ZNF365: variants seen among roughly 807,000 people sequenced by gnomAD.
The protein encoded by ZNF365 is protein ZNF365.
ZNF365 carries 22 observed loss-of-function variants against 35.0 expected under a neutral mutation model. That is an observed-to-expected ratio of 0.63 (90% CI 0.45 to 0.90). The LOEUF is 0.90. ZNF365 is among the 40% of genes least tolerant of loss of function. The probability of loss-of-function intolerance (pLI) is 0.00; values close to 1 mark genes in which losing one functional copy is unlikely to be tolerated. For synonymous variants in ZNF365, 188 were observed against 196.2 expected (o/e 0.96, Z 0.35); for missense variants, 448 against 500.3 (o/e 0.90, Z 1.00).
Position 62,388,445 on chromosome 10 carries a change from G to T in ZNF365, c.793G>T (p.Val265Phe). The T allele has an allele frequency of 6.2e-7, 1 of 1,614,266 alleles. No homozygotes were observed. ...HFLEAAAEKE[V>F]QGKARLQDFI... ...CCTGGAAGCGGCAGCTGAGAAGGAG[G>T]TTCAAGGGAAAGCCCGGCTCCAGGA... The change falls in exon 3 of 5, where the codon GTT becomes TTT. Residue 265 changes from valine to phenylalanine, a missense_variant. Around this residue, in one of 3 missense-constraint regions of ZNF365, gnomAD observed 362 missense variants for 375.7 expected, o/e 0.96. Coordinates refer to ENST00000395254, the MANE Select transcript of ZNF365 (RefSeq NM_014951.3).
intron 3 of ZNF365, among the ~76,000 whole-genome samples, chr10:62,458,497 C>T (rs965711956): frequency 1.1e-4 from 15 of 141,330 alleles, no homozygotes; most frequent in East Asian, 4.2e-4. Flanking sequence ...CACACACACA[C>T]ATATATATAT....
At chr10:62,382,548 C>T (rs1839457733) in intron 2 of ZNF365, among the ~76,000 whole-genome samples, 1 of 152,200 alleles carries the variant, frequency 6.6e-6, no homozygotes, top group South Asian at 2.1e-4. Context: ...CTATCACATC[C>T]CCACTCTAGG....
At chr10:62,458,493 CACACAT>C (rs1033876377) in intron 3 of ZNF365, among the ~76,000 whole-genome samples, 7 of 151,598 alleles carry the variant, frequency 4.6e-5, no homozygotes, top group African/African-American at 1.7e-4. Flanking sequence ...CACACACACA[CACACAT>C]ATATATATAA....
At chr10:62,422,830 A>G (rs993307694) in intron 3 of ZNF365, among the ~76,000 whole-genome samples, 13 of 152,160 alleles carry the variant, frequency 8.5e-5, no homozygotes, top group African/African-American at 1.9e-4. Flanking sequence ...AAAACTGCAT[A>G]TGAGATGGAA....
intron 3 of ZNF365, among the ~76,000 whole-genome samples, chr10:62,454,593 G>A (rs1047742493): frequency 6.6e-6 from 1 of 151,582 alleles, no homozygotes; most frequent in Non-Finnish European, 1.5e-5. Context: ...ATACCAAGGT[G>A]TTGATGTTAC....
intron 3 of ZNF365, 35 bp downstream of exon 3, chr10:62,388,611 T>G (rs1386970680): frequency 6.2e-7 from 1 of 1,608,124 alleles, no homozygotes; most frequent in Non-Finnish European, 8.5e-7. Context: ...GAGTGTAAGA[T>G]CCCTGTGGTT....
chr10:62,399,010 A>G (rs1337534674), intron 4 of ZNF365, among the ~76,000 whole-genome samples: 2 of 152,216 alleles, frequency 1.3e-5, no homozygotes, highest in African/African-American at 4.8e-5. Flanking sequence ...CACTGGAGGA[A>G]TATTTTTAGA....
chr10:62,428,095 G>A (rs952064799), intron 3 of ZNF365, among the ~76,000 whole-genome samples: 2 of 152,048 alleles, frequency 1.3e-5, no homozygotes, highest in East Asian at 3.8e-4. Flanking sequence ...TTGATCCTAC[G>A]TGATTAATTC....
At chr10:62,403,913 G>T (rs1839868478), downstream of ZNF365, among the ~76,000 whole-genome samples, 1 of 152,190 alleles carries the variant, frequency 6.6e-6, no homozygotes, top group Admixed American at 6.5e-5. Flanking sequence ...ATCCCAAAAA[G>T]AAGCCCCGGA....
chr10:62,425,513 C>G (rs1430429028), intron 3 of ZNF365, among the ~76,000 whole-genome samples: 1 of 152,142 alleles, frequency 6.6e-6, no homozygotes, highest in East Asian at 1.9e-4. Flanking sequence ...AGAGTAACAA[C>G]TACAGATTCT....
At chr10:62,434,705 T>G (rs1840381738) in intron 3 of ZNF365, among the ~76,000 whole-genome samples, 2 of 152,192 alleles carry the variant, frequency 1.3e-5, no homozygotes. Flanking sequence ...GGAAGTATAC[T>G]GGAAATCAGA....
In ZNF365 at chr10:62,376,322, G is replaced by A; in HGVS notation, c.129G>A (p.Leu43=). Residue 43 remains leucine (L), a synonymous_variant, in exon 2 of 5, where the codon TTG becomes TTA. Transcript: ENST00000395254. ...CCAGATTTAGAAGCTTGTCATCCTT[G>A]AGGGCCCATCTGGAGTTCAGTCACA... The part of the protein sequence containing the change: ...DHTRFRSLSS[L]RAHLEFSHSY... The A allele has an allele frequency of 6.2e-7, 1 of 1,614,122 alleles. No homozygotes were observed. The highest frequency in any genetic ancestry group is 1.3e-5 in the African/African-American group (1 of 75,002).
intron 4 of ZNF365, among the ~76,000 whole-genome samples, chr10:62,477,736 TGAA>T (rs1352381381): frequency 6.6e-6 from 1 of 152,142 alleles, no homozygotes; most frequent in African/African-American, 2.4e-5. Context: ...GGCTTTCACT[TGAA>T]TGTTGTCAGT....
In ZNF365 at chr10:62,376,636, T is replaced by C. The variant is rs201364250; in HGVS notation, c.443T>C (p.Leu148Pro). 27 of 1,614,064 alleles carry C rather than the reference T, an allele frequency of 1.7e-5. No homozygotes were observed. The highest frequency in any genetic ancestry group is 2.3e-5 in the Non-Finnish European group (27 of 1,180,042). The change falls in exon 2 of 5, where the codon CTG becomes CCG. Residue 148 changes from leucine to proline, a missense_variant. Around this residue, in one of 3 missense-constraint regions of ZNF365, gnomAD observed 362 missense variants for 375.7 expected, o/e 0.96. Coordinates refer to ENST00000395254, the MANE Select transcript of ZNF365 (RefSeq NM_014951.3). ...SLDGTRSGPG[L>P]PTSDTKASFE... ...GATGGGACACGGTCGGGTCCTGGAC[T>C]GCCCACCTCAGACACCAAAGCTTCT...
At chr10:62,388,709 T>C (rs1839568443) in intron 3 of ZNF365, 133 bp downstream of exon 3, 1 of 1,086,708 alleles carries the variant, frequency 9.2e-7, no homozygotes, top group Middle Eastern at 3.1e-4. Context: ...GCCTGGGCCA[T>C]GCCTGTATTG....
intron 3 of ZNF365, among the ~76,000 whole-genome samples, chr10:62,431,420 T>C (rs1339777542): frequency 2.6e-5 from 4 of 152,204 alleles, no homozygotes; most frequent in Non-Finnish European, 5.9e-5. Flanking sequence ...TATCATATCC[T>C]GAACATTTGC....
chr10:62,430,615 C>CT, intron 3 of ZNF365, among the ~76,000 whole-genome samples: 1 of 152,296 alleles, frequency 6.6e-6, no homozygotes, highest in South Asian at 2.1e-4. Context: ...TGCCATAAAA[C>CT]TCCAACCCTG....
chr10:62,397,544 G>A (rs1156756914), intron 3 of ZNF365, among the ~76,000 whole-genome samples: 2 of 152,168 alleles, frequency 1.3e-5, no homozygotes, highest in African/African-American at 2.4e-5. Context: ...GAAATACACT[G>A]CCTATACACT....
At chr10:62,412,700 A>G (rs1182420513) in intron 3 of ZNF365, among the ~76,000 whole-genome samples, 1 of 152,132 alleles carries the variant, frequency 6.6e-6, no homozygotes, top group Non-Finnish European at 1.5e-5. Context: ...AAGAATAGGA[A>G]TACAGCTAAC....
Sources: gnomAD v4.1 joint callset for allele counts (sites outside exome capture counted in the v4.1 genomes callset) on GRCh38, gnomAD v4.1.1 for gene constraint, gnomAD v4.1.1 regional missense constraint, MANE v1.5 for transcripts, NCBI Gene and HGNC (gene_info 2026-07-23, HGNC 2026-07-21) for gene names.